SV2C: variants seen among roughly 807,000 people sequenced by gnomAD.
SV2C encodes synaptic vesicle glycoprotein 2C.
SV2C carries 49 observed loss-of-function variants against 79.7 expected under a neutral mutation model. The observed-to-expected ratio is 0.61, with a 90% CI of 0.49 to 0.78. SV2C has a LOEUF of 0.78. Ranked by LOEUF, SV2C falls within the 30% of genes least tolerant of loss-of-function variation. The pLI is 0.00. For missense variants in SV2C, 833 were observed against 912.9 expected (o/e 0.91, Z 1.13); for synonymous variants, 334 against 333.2 (o/e 1.00, Z -0.03).
chr5:76,299,066 T>C (rs1415110774), intron 10 of SV2C, 139 bp downstream of exon 10: 26 of 1,107,944 alleles, frequency 2.3e-5, no homozygotes, highest in Admixed American at 1.2e-4. Context: ...CTAAATCAGG[T>C]TGGATCAAAG....
At chr5:75,860,301 C>G in the SV2C span, among the ~76,000 whole-genome samples, 1 of 151,886 alleles carries the variant, frequency 6.6e-6, no homozygotes, top group African/African-American at 2.4e-5. Context: ...TAGCCACACA[C>G]AAATAATACC....
intron 2 of SV2C, among the ~76,000 whole-genome samples, chr5:76,147,046 T>A (rs13166383): frequency 0.098 from 14,823 of 152,030 alleles, 911 homozygotes; most frequent in Non-Finnish European, 0.14. Context: ...TATCCAGAGC[T>A]CCATCCAAGG....
the SV2C span, among the ~76,000 whole-genome samples, chr5:76,056,880 T>G: frequency 6.6e-6 from 1 of 152,044 alleles, no homozygotes; most frequent in African/African-American, 2.4e-5. Context: ...TTATTGTGTC[T>G]ATTTGATTCT....
the SV2C span, among the ~76,000 whole-genome samples, chr5:75,963,098 G>C: frequency 6.6e-6 from 1 of 152,106 alleles, no homozygotes. Context: ...TCCCAAAAAG[G>C]TGAGGCACGG....
At chr5:76,096,287 G>A (rs999930887) in intron 1 of SV2C, among the ~76,000 whole-genome samples, 1 of 151,870 alleles carries the variant, frequency 6.6e-6, no homozygotes, top group African/African-American at 2.4e-5. Flanking sequence ...TTTCTTATTG[G>A]CTTTCCCTAT....
intron 3 of SV2C, among the ~76,000 whole-genome samples, chr5:76,197,053 G>A (rs1744292143): frequency 6.6e-6 from 1 of 152,206 alleles, no homozygotes; most frequent in Admixed American, 6.5e-5. Flanking sequence ...AAGAAATCCA[G>A]GTGTGCCCTA....
intron 3 of SV2C, among the ~76,000 whole-genome samples, chr5:76,196,510 G>C (rs1744275437): frequency 6.6e-6 from 1 of 152,074 alleles, no homozygotes; most frequent in African/African-American, 2.4e-5. Flanking sequence ...GGACTCAAAG[G>C]GTTTCAGCAG....
chr5:76,112,270 C>A (rs1379521036), intron 1 of SV2C, among the ~76,000 whole-genome samples: 2 of 152,156 alleles, frequency 1.3e-5, no homozygotes, highest in African/African-American at 4.8e-5. Context: ...GAGGCACTGG[C>A]ACTCTTAGGT....
chr5:75,883,050 C>T, the SV2C span, among the ~76,000 whole-genome samples: 1 of 146,244 alleles, frequency 6.8e-6, no homozygotes, highest in Non-Finnish European at 1.5e-5. Flanking sequence ...AGACACTTCT[C>T]AAAAGAAGAC....
the SV2C span, among the ~76,000 whole-genome samples, chr5:76,057,498 G>A: frequency 4.0e-5 from 6 of 151,848 alleles, no homozygotes; most frequent in Non-Finnish European, 5.9e-5. Flanking sequence ...CTGTGCTTGC[G>A]ATAGTTTGCT....
chr5:76,103,264 T>C (rs1370530525), intron 1 of SV2C, among the ~76,000 whole-genome samples: 1 of 152,150 alleles, frequency 6.6e-6, no homozygotes, highest in African/African-American at 2.4e-5. Flanking sequence ...AGAGAGAAAC[T>C]TTGATGTATT....
intron 3 of SV2C, among the ~76,000 whole-genome samples, chr5:76,205,406 G>A (rs1744579867): frequency 6.6e-6 from 1 of 152,034 alleles, no homozygotes; most frequent in Non-Finnish European, 1.5e-5. Context: ...CACCTACGTA[G>A]AGTGTGAATT....
chr5:76,318,820 GTTGT>G (rs1168034128), intron 12 of SV2C, among the ~76,000 whole-genome samples: 2 of 152,078 alleles, frequency 1.3e-5, no homozygotes, highest in Admixed American at 1.3e-4. Context: ...TTCAGTGCTT[GTTGT>G]TTAAGAGAAG....
At chr5:76,307,924 A>G (rs1748260285) in intron 12 of SV2C, among the ~76,000 whole-genome samples, 1 of 151,966 alleles carries the variant, frequency 6.6e-6, no homozygotes, top group Non-Finnish European at 1.5e-5. Flanking sequence ...TCTAAATTTC[A>G]TGTGTTTCAA....
At chr5:76,090,117 GTT>G (rs386689175) in intron 1 of SV2C, among the ~76,000 whole-genome samples, 111 of 152,338 alleles carry the variant, frequency 7.3e-4, no homozygotes, top group African/African-American at 2.5e-3. Flanking sequence ...CAGCTATGCA[GTT>G]ACAAAAGTCC....
chr5:76,271,616 C>CTTTTTTTTTTTTTTTTTTTTTTTT lies in SV2C; in HGVS notation c.914-13545_914-13522dup, dbSNP rs34458409. On this transcript the variant is annotated intron_variant, in intron 4 of 12. Transcript: ENST00000502798. ...TCAAAAAAACTACTAAGCATGTGTT[C>CTTTTTTTTTTTTTTTTTTTTTTTT]TTTTTTTTTTTTTTTTTTTTTTTTG... is the stretch of plus-strand genomic sequence containing the variant. 5.2e-5 allele frequency among the ~76,000 whole-genome samples: 5 copies of CTTTTTTTTTTTTTTTTTTTTTTTT among 96,062 alleles called. 1 individual carries two copies. Among genetic ancestry groups the CTTTTTTTTTTTTTTTTTTTTTTTT allele is most frequent in the Non-Finnish European group, 5.9e-5 (3 of 50,432 alleles). The allele number at this position is 96,062 out of a possible 152,430, so 63.0% of individuals were successfully genotyped here.
chr5:76,175,528 A>C (rs945364237), intron 2 of SV2C, among the ~76,000 whole-genome samples: 2 of 152,210 alleles, frequency 1.3e-5, no homozygotes, highest in African/African-American at 4.8e-5. Context: ...AATTAGATCT[A>C]ACACAGAAGA....
intron 1 of SV2C, among the ~76,000 whole-genome samples, chr5:76,116,674 G>A (rs1748277055): frequency 6.6e-6 from 1 of 152,166 alleles, no homozygotes; most frequent in African/African-American, 2.4e-5. Context: ...TTAATGCAGG[G>A]AAAACCATCT....
chr5:75,875,671 T>A, the SV2C span, among the ~76,000 whole-genome samples: 1 of 152,106 alleles, frequency 6.6e-6, no homozygotes, highest in Admixed American at 6.6e-5. Flanking sequence ...TTGCAAACTA[T>A]GCATCTGACA....
Sources: allele counts gnomAD v4.1 joint callset (sites outside exome capture counted in the v4.1 genomes callset), GRCh38; gene constraint gnomAD v4.1.1; transcripts MANE v1.5; gene names NCBI Gene and HGNC (gene_info 2026-07-23, HGNC 2026-07-21).